Variants in PPP1R9A observed in about 807,000 individuals in gnomAD.
PPP1R9A encodes neurabin-1.
In PPP1R9A, 59 loss-of-function variants were observed where a neutral mutation model predicts 141.9. The observed-to-expected ratio is 0.42, with a 90% CI of 0.34 to 0.52. The LOEUF is 0.52. Among genes scored for constraint, PPP1R9A ranks in the 20% least tolerant of loss-of-function variants. PPP1R9A has a pLI of 0.10. For synonymous variants in PPP1R9A, 500 were observed against 569.7 expected (o/e 0.88, Z 1.74); for missense variants, 1,444 against 1,611.9 (o/e 0.90, Z 1.78).
At chr7:95,143,172 G>A (rs1271339609) in intron 4 of PPP1R9A, among the ~76,000 whole-genome samples, 2 of 152,006 alleles carry the variant, frequency 1.3e-5, no homozygotes, top group African/African-American at 4.8e-5. Flanking sequence ...GTACAGCTCT[G>A]GACCCTCTGG....
chr7:94,907,476 G>C (rs1790880879), upstream of PPP1R9A, among the ~76,000 whole-genome samples: 1 of 152,090 alleles, frequency 6.6e-6, no homozygotes, highest in East Asian at 1.9e-4. Context: ...CCCCAGCAGC[G>C]GTCAGCCCCA....
At chr7:95,094,735 C>G (rs1433336281) in intron 2 of PPP1R9A, among the ~76,000 whole-genome samples, 1 of 151,904 alleles carries the variant, frequency 6.6e-6, no homozygotes, top group Non-Finnish European at 1.5e-5. Flanking sequence ...CAAAAATTAG[C>G]CGGGCATGGT....
chr7:95,053,034 A>G (rs980339657), intron 2 of PPP1R9A, among the ~76,000 whole-genome samples: 2 of 152,110 alleles, frequency 1.3e-5, no homozygotes, highest in African/African-American at 4.8e-5. Context: ...CCCCCAGAAC[A>G]ATCTTCCTGT....
chr7:95,116,469 A>G (rs1301435340), intron 3 of PPP1R9A, among the ~76,000 whole-genome samples: 1 of 152,168 alleles, frequency 6.6e-6, no homozygotes. Flanking sequence ...AATGGGAAAA[A>G]TATTTTATTT....
intron 7 of PPP1R9A, among the ~76,000 whole-genome samples, chr7:95,220,295 C>G (rs1235230013): frequency 6.6e-6 from 1 of 152,084 alleles, no homozygotes; most frequent in Non-Finnish European, 1.5e-5. Flanking sequence ...CTCCTTTATT[C>G]TCTCACAGAA....
chr7:94,909,964 T>C lies in PPP1R9A; in HGVS notation c.-150T>C, dbSNP rs1791274992. ...CTCTTGACTGTGACTAAGTTCCTAA[T>C]ACACCTGTTGGGACGATCACTGACA... On this transcript the variant is annotated 5_prime_UTR_variant, in exon 2 of 20. Transcript: ENST00000433360. 1 of 625,720 alleles carries C rather than the reference T, an allele frequency of 1.6e-6. No individual in the cohort carries two copies. The highest frequency in any genetic ancestry group is 2.7e-6 in the Non-Finnish European group (1 of 364,550). 38.8% of individuals were successfully genotyped at this position (625,720 alleles called of 1,614,324 possible). A position where few individuals can be genotyped will look rare whatever the true frequency, so the allele number is the denominator to read the frequency against.
chr7:95,075,002 T>C (rs542692625), intron 2 of PPP1R9A, among the ~76,000 whole-genome samples: 30 of 152,342 alleles, frequency 2.0e-4, no homozygotes, highest in African/African-American at 7.0e-4. Flanking sequence ...ATGAACTACA[T>C]GTCCATGTAA....
At chr7:95,154,854 A>AT (rs1464115706) in intron 4 of PPP1R9A, 4 of 152,304 alleles carry the variant, frequency 2.6e-5, no homozygotes, top group African/African-American at 9.6e-5. Context: ...GTTTTATGAA[A>AT]TTATTTGGAT....
At chr7:94,979,080 A>C (rs1029647328) in intron 2 of PPP1R9A, among the ~76,000 whole-genome samples, 1 of 152,190 alleles carries the variant, frequency 6.6e-6, no homozygotes, top group Non-Finnish European at 1.5e-5. Context: ...TATAGGCATG[A>C]GCTACCATGT....
intron 2 of PPP1R9A, among the ~76,000 whole-genome samples, chr7:94,942,326 T>C (rs569135622): frequency 1.2e-3 from 183 of 152,302 alleles, no homozygotes; most frequent in Middle Eastern, 3.4e-3. Flanking sequence ...AGAATAAATA[T>C]TATGAACTTG....
At chr7:95,033,044 G>A (rs1026183708) in intron 2 of PPP1R9A, among the ~76,000 whole-genome samples, 6 of 151,380 alleles carry the variant, frequency 4.0e-5, no homozygotes, top group African/African-American at 9.7e-5. Flanking sequence ...TTGCTCTGTC[G>A]CCTGGGCTGG....
intron 5 of PPP1R9A, among the ~76,000 whole-genome samples, chr7:95,186,337 A>G (rs1247460371): frequency 6.6e-6 from 1 of 152,184 alleles, no homozygotes; most frequent in East Asian, 1.9e-4. Context: ...GGTGTACAGC[A>G]GTGCTACTGA....
At chr7:95,217,511 T>C (rs1450737394) in intron 7 of PPP1R9A, among the ~76,000 whole-genome samples, 1 of 152,086 alleles carries the variant, frequency 6.6e-6, no homozygotes, top group Non-Finnish European at 1.5e-5. Context: ...GATTCCCTCT[T>C]TTTCTATTGA....
At chr7:94,993,301 T>C (rs958387667) in intron 2 of PPP1R9A, among the ~76,000 whole-genome samples, 1 of 152,196 alleles carries the variant, frequency 6.6e-6, no homozygotes, top group Non-Finnish European at 1.5e-5. Flanking sequence ...CATTCTGTTA[T>C]GGTAGCTTAA....
chr7:95,090,466 T>C (rs1220273325), intron 2 of PPP1R9A, among the ~76,000 whole-genome samples: 2 of 151,898 alleles, frequency 1.3e-5, no homozygotes, highest in Non-Finnish European at 2.9e-5. Context: ...GTTTTTAAGA[T>C]AACATTTACC....
chr7:94,925,203 A>AT (rs528029363), intron 2 of PPP1R9A, among the ~76,000 whole-genome samples: 10 of 150,028 alleles, frequency 6.7e-5, no homozygotes, highest in South Asian at 2.1e-4. Context: ...TTGCTGGAAA[A>AT]TTTTTTTTTT....
In PPP1R9A at chr7:94,942,256, A is replaced by G. The variant is rs114570398; in HGVS notation, c.1395+30748A>G. ...CTCTAGAGAATTTAACCTGAGCTTC[A>G]AATTAGTTCTCCTTTTGTATTCTGC... On this transcript the variant is annotated intron_variant, in intron 2 of 19. Transcript: ENST00000433360. 4.3e-3 allele frequency among the ~76,000 whole-genome samples: 657 copies of G among 152,274 alleles called. 4 individuals are homozygous for G. Among genetic ancestry groups the G allele is most frequent in the African/African-American group, 0.015 (641 of 41,544 alleles).
intron 2 of PPP1R9A, among the ~76,000 whole-genome samples, chr7:94,919,130 T>C (rs933724964): frequency 6.6e-6 from 1 of 151,858 alleles, no homozygotes; most frequent in African/African-American, 2.4e-5. Context: ...CAGCATAGGG[T>C]TTCTTTATTT....
intron 3 of PPP1R9A, among the ~76,000 whole-genome samples, chr7:95,112,526 A>AC (rs1296940329): frequency 1.3e-5 from 2 of 152,214 alleles, no homozygotes; most frequent in Non-Finnish European, 2.9e-5. Context: ...TGAACATAGA[A>AC]CTATCATTTG....
Sources: allele counts gnomAD v4.1 joint callset (sites outside exome capture counted in the v4.1 genomes callset), GRCh38; gene constraint gnomAD v4.1.1; transcripts MANE v1.5; gene names NCBI Gene and HGNC (gene_info 2026-07-23, HGNC 2026-07-21).